The following WDPCP variants were observed in gnomAD, a reference collection of about 807,000 sequenced individuals.
The protein encoded by WDPCP is WD repeat-containing and planar cell polarity effector protein fritz homolog.
A neutral mutation model predicts 93.1 loss-of-function variants in WDPCP; 71 were observed. That is an observed-to-expected ratio of 0.76 (90% CI 0.63 to 0.93). The LOEUF (loss-of-function observed/expected upper bound fraction) is 0.93, where lower values mean the gene tolerates loss of function less well. WDPCP is among the 40% of genes least tolerant of loss of function. The pLI is 0.00. For synonymous variants in WDPCP, 315 were observed against 315.0 expected, an observed-to-expected ratio of 1.00 and a Z score of 0.00; for missense variants, 844 against 887.4, an observed-to-expected ratio of 0.95 and a Z score of 0.62.
chr2:63,644,924 C>G lies in WDPCP; in HGVS notation n.488+5735G>C, dbSNP rs114343821. Among the ~76,000 whole-genome samples, 686 of 152,074 alleles carry G rather than the reference C, an allele frequency of 4.5e-3. 3 individuals are homozygous for G. Among genetic ancestry groups the G allele is most frequent in the Middle Eastern group, 0.01 (3 of 294 alleles). On this transcript the variant is annotated intron_variant and non_coding_transcript_variant, in intron 3 of 4. Transcript: ENST00000467687. ...TTTTCTTAGTTGGCTAAAGGTTTAT[C>G]CATTTTGTTTATCTTTTCAAGAAAC...
intron 14 of WDPCP, among the ~76,000 whole-genome samples, chr2:63,230,323 T>C (rs1678740996): frequency 1.3e-5 from 2 of 152,258 alleles, no homozygotes; most frequent in Admixed American, 1.3e-4. Context: ...ATTTTCTTAA[T>C]CCAGTCTATC....
At chr2:63,180,000 T>C (rs989868375) in intron 14 of WDPCP, among the ~76,000 whole-genome samples, 3 of 152,198 alleles carry the variant, frequency 2.0e-5, no homozygotes, top group African/African-American at 7.2e-5. Context: ...GTTCTGTATA[T>C]GTTCTGTTCT....
At chr2:63,276,712 A>G (rs1436959480) in intron 13 of WDPCP, among the ~76,000 whole-genome samples, 2 of 152,244 alleles carry the variant, frequency 1.3e-5, no homozygotes, top group African/African-American at 2.4e-5. Flanking sequence ...AAGAAAGCCT[A>G]TAAGAAGTTT....
chr2:63,698,700 G>A (rs1267432980), intron 2 of WDPCP, among the ~76,000 whole-genome samples: 1 of 152,174 alleles, frequency 6.6e-6, no homozygotes, highest in African/African-American at 2.4e-5. Flanking sequence ...GAACACCTGA[G>A]ATGACTTTTA....
At chr2:63,708,809 A>G (rs1034634809) in intron 2 of WDPCP, among the ~76,000 whole-genome samples, 3 of 151,782 alleles carry the variant, frequency 2.0e-5, no homozygotes, top group Non-Finnish European at 4.4e-5. Flanking sequence ...ACAGGGTTTC[A>G]TCGTGTTAGC....
chr2:63,432,138 G>A (rs1205055304), intron 9 of WDPCP, among the ~76,000 whole-genome samples: 1 of 152,028 alleles, frequency 6.6e-6, no homozygotes, highest in African/African-American at 2.4e-5. Flanking sequence ...GTTACAGAGA[G>A]GAGAAAAGGA....
At chr2:63,346,521 A>C (rs1689203688) in intron 12 of WDPCP, among the ~76,000 whole-genome samples, 1 of 152,154 alleles carries the variant, frequency 6.6e-6, no homozygotes, top group South Asian at 2.1e-4. Context: ...CAGAACATAT[A>C]ATTCCCACAG....
intron 13 of WDPCP, among the ~76,000 whole-genome samples, chr2:63,308,206 C>T (rs552606387): frequency 1.1e-3 from 167 of 152,278 alleles, no homozygotes; most frequent in Middle Eastern, 0.01. Context: ...TACCATCTCA[C>T]GCCAGTTAGA....
chr2:63,365,774 G>A (rs1161948109), intron 12 of WDPCP, among the ~76,000 whole-genome samples: 5 of 152,086 alleles, frequency 3.3e-5, no homozygotes, highest in Admixed American at 2.6e-4. Context: ...CTTACCACTC[G>A]CAGAACTAAG....
intron 17 of WDPCP, among the ~76,000 whole-genome samples, chr2:63,124,429 T>G (rs972835480): frequency 9.9e-5 from 15 of 152,148 alleles, no homozygotes; most frequent in Admixed American, 4.6e-4. Context: ...TGTGGTTAAG[T>G]GCATTTTCTG....
chr2:63,706,363 A>G (rs372607735), intron 2 of WDPCP, among the ~76,000 whole-genome samples: 1 of 152,102 alleles, frequency 6.6e-6, no homozygotes, highest in African/African-American at 2.4e-5. Context: ...TATTTTGCTC[A>G]TTAGTTGATG....
At chr2:63,472,651 C>A (rs187743762) in intron 6 of WDPCP, among the ~76,000 whole-genome samples, 1 of 151,972 alleles carries the variant, frequency 6.6e-6, no homozygotes, top group Admixed American at 6.6e-5. Context: ...TACAGTAGTG[C>A]GATCTTGGCT....
intron 13 of WDPCP, among the ~76,000 whole-genome samples, chr2:63,283,767 G>C (rs6725694): frequency 0.8 from 121,988 of 152,218 alleles, 49,744 homozygotes; most frequent in East Asian, 0.96. Flanking sequence ...CTTTTTGTCT[G>C]TAATTCCGTA....
intron 2 of WDPCP, among the ~76,000 whole-genome samples, chr2:63,677,894 TA>T (rs1710442706): frequency 6.6e-6 from 1 of 152,228 alleles, no homozygotes; most frequent in African/African-American, 2.4e-5. Flanking sequence ...ATTGCCTGTA[TA>T]TATTTTATTA....
At position 63,547,523 on chromosome 2, in the gene WDPCP, A is replaced by G. The variant is rs569921074; in HGVS notation, c.75+40674T>C. ...ATGGAATAAACCCAAGTGCCCATCA[A>G]TGGATAAACAGATAAAGAAAATGTG... is the stretch of plus-strand genomic sequence containing the variant. On this transcript the variant is annotated intron_variant, in intron 1 of 17. Coordinates refer to ENST00000272321, the MANE Select transcript of WDPCP (RefSeq NM_015910.7). Among the ~76,000 whole-genome samples the G allele has an allele frequency of 6.6e-5, 10 of 151,446 alleles. No individual in the cohort carries two copies. In the South Asian group the frequency reaches 1.3e-3, roughly 19 times the overall value.
intron 12 of WDPCP, among the ~76,000 whole-genome samples, chr2:63,329,366 A>C (rs1467143310): frequency 6.6e-6 from 1 of 152,186 alleles, no homozygotes; most frequent in East Asian, 1.9e-4. Flanking sequence ...TTATTTTATA[A>C]GGCAAAATGA....
At chr2:63,220,169 A>C (rs1677698604) in intron 14 of WDPCP, among the ~76,000 whole-genome samples, 1 of 152,214 alleles carries the variant, frequency 6.6e-6, no homozygotes, top group South Asian at 2.1e-4. Context: ...TAAGCCAATA[A>C]AAGTTGCACA....
At chr2:63,707,541 A>T (rs1420218132) in intron 2 of WDPCP, among the ~76,000 whole-genome samples, 1 of 152,012 alleles carries the variant, frequency 6.6e-6, no homozygotes, top group Admixed American at 6.6e-5. Context: ...ATTTTTTTCC[A>T]AAGTTTTTAA....
chr2:63,224,971 G>A (rs188434898), intron 14 of WDPCP, among the ~76,000 whole-genome samples: 24 of 151,760 alleles, frequency 1.6e-4, no homozygotes, highest in Non-Finnish European at 3.1e-4. Context: ...TTGTTATAGG[G>A]GAAGACTGTT....
Sources: gnomAD v4.1 joint callset for allele counts (sites outside exome capture counted in the v4.1 genomes callset) on GRCh38, gnomAD v4.1.1 for gene constraint, MANE v1.5 for transcripts, NCBI Gene and HGNC (gene_info 2026-07-23, HGNC 2026-07-21) for gene names.